The following FHOD3 variants were observed in gnomAD, a reference collection of about 807,000 sequenced individuals.
FHOD3 encodes FH1/FH2 domain-containing protein 3.
Under a neutral mutation model 173.0 loss-of-function variants are expected in FHOD3, and 90 were observed. The observed-to-expected ratio is 0.52, with a 90% CI of 0.44 to 0.62. FHOD3 has a LOEUF of 0.62. Among genes scored for constraint, FHOD3 ranks in the 20% least tolerant of loss-of-function variants. FHOD3 has a pLI of 0.00. For synonymous variants in FHOD3, 828 were observed against 823.0 expected, an observed-to-expected ratio of 1.01 and a Z score of -0.10; for missense variants, 1,945 against 2,034.7, an observed-to-expected ratio of 0.96 and a Z score of 0.85.
At position 36,769,417 on chromosome 18, in the gene FHOD3, C is replaced by T. The variant is rs754161642; in HGVS notation, c.4777C>T (p.Arg1593Trp). The change falls in exon 28 of 29, where the codon CGG becomes TGG. Residue 1593 changes from arginine (R) to tryptophan (W), a missense_variant. Around this residue, in one of 5 missense-constraint regions of FHOD3, gnomAD observed 354 missense variants for 359.9 expected, o/e 0.98. Coordinates refer to ENST00000590592, the MANE Select transcript of FHOD3 (RefSeq NM_001281740.3). ...GGAGAGGAAACGATCCCGGGCCAAC[C>T]GGAAATCTTGTGAGTGCATTAAAGG... ...PRERKRSRAN[R>W]KSLRRTLKSG... 6 of 1,614,018 alleles carry T rather than the reference C, an allele frequency of 3.7e-6. No individual in the cohort carries two copies. The highest frequency in any genetic ancestry group is 2.2e-5 in the East Asian group (1 of 44,864).
At chr18:36,776,806 G>A (rs2043689189) in intron 28 of FHOD3, among the ~76,000 whole-genome samples, 1 of 152,100 alleles carries the variant, frequency 6.6e-6, no homozygotes. Context: ...CGAGGGAGAG[G>A]GCACAGGCTC....
chr18:36,703,319 AG>A (rs2039689694), intron 17 of FHOD3, among the ~76,000 whole-genome samples: 1 of 152,160 alleles, frequency 6.6e-6, no homozygotes, highest in Non-Finnish European at 1.5e-5. Context: ...GGGCTGAGCC[AG>A]GGAGAGGGAG....
At chr18:36,449,148 G>A (rs191949260) in intron 3 of FHOD3, among the ~76,000 whole-genome samples, 39 of 152,200 alleles carry the variant, frequency 2.6e-4, no homozygotes, top group Admixed American at 2.4e-3. Flanking sequence ...AGGACAGGAT[G>A]GAGCTATTTG....
intron 14 of FHOD3, among the ~76,000 whole-genome samples, chr18:36,665,084 C>A (rs1037024823): frequency 6.6e-6 from 1 of 152,066 alleles, no homozygotes; most frequent in African/African-American, 2.4e-5. Context: ...CAGAGTGAGA[C>A]CCTGTCTCAA....
intron 3 of FHOD3, among the ~76,000 whole-genome samples, chr18:36,402,331 G>A (rs1056052931): frequency 2.6e-5 from 4 of 152,054 alleles, no homozygotes; most frequent in African/African-American, 9.7e-5. Flanking sequence ...AAGAACCTGA[G>A]TGCTCATCTT....
At chr18:36,513,761 T>C (rs896492112) in intron 5 of FHOD3, among the ~76,000 whole-genome samples, 5 of 151,874 alleles carry the variant, frequency 3.3e-5, no homozygotes, top group Admixed American at 3.3e-4. Flanking sequence ...AGAGAGAACG[T>C]AGGGCTCATT....
intron 22 of FHOD3, among the ~76,000 whole-genome samples, chr18:36,743,744 A>AAGT (rs1274567744): frequency 2.0e-5 from 3 of 152,186 alleles, no homozygotes; most frequent in Non-Finnish European, 4.4e-5. Flanking sequence ...AGGGAGGAAG[A>AAGT]AGTAGATAGG....
chr18:36,635,225 A>T (rs968683561), intron 10 of FHOD3, among the ~76,000 whole-genome samples: 1 of 152,214 alleles, frequency 6.6e-6, no homozygotes, highest in African/African-American at 2.4e-5. Flanking sequence ...TGCTCCTGGT[A>T]TCTGGGGCGG....
chr18:36,556,993 C>T (rs538762010), intron 5 of FHOD3, among the ~76,000 whole-genome samples: 5 of 152,234 alleles, frequency 3.3e-5, no homozygotes, highest in Admixed American at 3.3e-4. Flanking sequence ...TATGTTGATC[C>T]ATTTTCCTCT....
chr18:36,523,288 AG>A (rs2056363127), intron 5 of FHOD3, among the ~76,000 whole-genome samples: 1 of 152,200 alleles, frequency 6.6e-6, no homozygotes, highest in South Asian at 2.1e-4. Flanking sequence ...CTTTTAGAGG[AG>A]GGGCAAAATT....
At chr18:36,716,887 T>C (rs983382396) in intron 18 of FHOD3, among the ~76,000 whole-genome samples, 1 of 151,714 alleles carries the variant, frequency 6.6e-6, no homozygotes, top group African/African-American at 2.4e-5. Flanking sequence ...TTTTGCTTTT[T>C]TAAGACGGGG....
chr18:36,690,525 G>A (rs572909946), intron 16 of FHOD3, among the ~76,000 whole-genome samples: 13 of 152,230 alleles, frequency 8.5e-5, no homozygotes, highest in Admixed American at 3.3e-4. Context: ...TCATGACATA[G>A]GTCCAGCTTC....
At chr18:36,656,824 T>C (rs1023527356) in intron 13 of FHOD3, among the ~76,000 whole-genome samples, 2 of 152,222 alleles carry the variant, frequency 1.3e-5, no homozygotes, top group African/African-American at 4.8e-5. Context: ...TATCATACTT[T>C]CGTAGCCATT....
chr18:36,687,296 C>A, intron 16 of FHOD3, 118 bp downstream of exon 16: 1 of 759,398 alleles, frequency 1.3e-6, no homozygotes, highest in African/African-American at 1.8e-5. Context: ...CCTTACATAG[C>A]TGGCATTTTG....
chr18:36,679,363 G>T (rs960061070), intron 14 of FHOD3, among the ~76,000 whole-genome samples: 18 of 151,266 alleles, frequency 1.2e-4, no homozygotes, highest in Non-Finnish European at 2.1e-4. Flanking sequence ...TTTTAGTTTT[G>T]TTGATTTTTG....
chr18:36,623,979 G>C (rs916256205), intron 9 of FHOD3, among the ~76,000 whole-genome samples: 1 of 152,224 alleles, frequency 6.6e-6, no homozygotes, highest in Non-Finnish European at 1.5e-5. Context: ...CATATACTGT[G>C]GTTAGCTATC....
intron 9 of FHOD3, among the ~76,000 whole-genome samples, chr18:36,621,630 G>A (rs2033718586): frequency 6.6e-6 from 1 of 152,210 alleles, no homozygotes; most frequent in African/African-American, 2.4e-5. Flanking sequence ...ACACTTTTCA[G>A]GCTTCTGTGT....
At chr18:36,696,926 C>T (rs2039317851) in intron 17 of FHOD3, among the ~76,000 whole-genome samples, 1 of 152,112 alleles carries the variant, frequency 6.6e-6, no homozygotes, top group African/African-American at 2.4e-5. Flanking sequence ...TTCACTGATC[C>T]CTGGGGGTAG....
intron 1 of FHOD3, among the ~76,000 whole-genome samples, chr18:36,326,605 A>G (rs1323022037): frequency 6.6e-6 from 1 of 151,866 alleles, no homozygotes; most frequent in East Asian, 1.9e-4. Context: ...CTGTCTCTAC[A>G]AAAACATAAT....
Sources: allele counts gnomAD v4.1 joint callset (sites outside exome capture counted in the v4.1 genomes callset), GRCh38; gene constraint gnomAD v4.1.1; regional missense constraint gnomAD v4.1.1; transcripts MANE v1.5; gene names NCBI Gene and HGNC (gene_info 2026-07-23, HGNC 2026-07-21).